The following OSTN variants were observed in gnomAD, a reference collection of about 807,000 sequenced individuals.
OSTN encodes the protein osteocrin.
OSTN carries 9 observed loss-of-function variants against 12.0 expected under a neutral mutation model. That is an observed-to-expected ratio of 0.75 (90% CI 0.45 to 1.30). OSTN has a LOEUF of 1.30. Ranked by LOEUF, OSTN falls within the 50% of genes most tolerant of loss-of-function variation. The pLI, the probability that OSTN is intolerant of heterozygous loss-of-function variation, is 0.00. For missense variants in OSTN, 148 were observed against 152.3 expected, an observed-to-expected ratio of 0.97 and a Z score of 0.15; for synonymous variants, 59 against 56.9, an observed-to-expected ratio of 1.04 and a Z score of -0.16.
At chr3:191,260,624 C>A (rs895226579) in intron 4 of OSTN, among the ~76,000 whole-genome samples, 6 of 152,082 alleles carry the variant, frequency 3.9e-5, no homozygotes, top group Non-Finnish European at 7.4e-5. Flanking sequence ...CCCCCGCCCC[C>A]GAGCTTGGGA....
intron 4 of OSTN, among the ~76,000 whole-genome samples, chr3:191,255,067 G>T (rs1033264602): frequency 6.6e-6 from 1 of 152,180 alleles, no homozygotes; most frequent in African/African-American, 2.4e-5. Context: ...CAAGGACCAG[G>T]GGGCAGGGGA....
intron 3 of OSTN, among the ~76,000 whole-genome samples, chr3:191,221,944 C>T (rs1197554290): frequency 6.6e-6 from 1 of 152,184 alleles, no homozygotes; most frequent in Non-Finnish European, 1.5e-5. Context: ...CCCAGCCACT[C>T]CAGCCTTGGC....
At chr3:191,218,095 A>G (rs1241513922) in intron 2 of OSTN, among the ~76,000 whole-genome samples, 1 of 152,220 alleles carries the variant, frequency 6.6e-6, no homozygotes, top group African/African-American at 2.4e-5. Flanking sequence ...GCAAAAAATA[A>G]TAAGTGCAGT....
chr3:191,216,619 T>A (rs1714619355), intron 2 of OSTN, among the ~76,000 whole-genome samples: 1 of 152,208 alleles, frequency 6.6e-6, no homozygotes, highest in Non-Finnish European at 1.5e-5. Flanking sequence ...CTTAGAAATT[T>A]CTTCTGCCAG....
chr3:191,244,721 T>A (rs1156300838), intron 3 of OSTN, among the ~76,000 whole-genome samples: 1 of 150,068 alleles, frequency 6.7e-6, no homozygotes. Flanking sequence ...AACCAGGCTA[T>A]TATGGTTTCT....
At chr3:191,218,682 T>A in intron 2 of OSTN, 65 bp from the exon 3 acceptor site, 1 of 1,316,694 alleles carries the variant, frequency 7.6e-7, no homozygotes. Context: ...AAAAGCCAGA[T>A]GCATATGTAC....
intron 1 of OSTN, among the ~76,000 whole-genome samples, chr3:191,209,444 A>C (rs943014549): frequency 6.6e-6 from 1 of 152,224 alleles, no homozygotes; most frequent in Non-Finnish European, 1.5e-5. Flanking sequence ...TCTCAGTTCA[A>C]ATATCAAGTT....
At chr3:191,226,149 G>A (rs1178724213) in intron 3 of OSTN, among the ~76,000 whole-genome samples, 1 of 152,046 alleles carries the variant, frequency 6.6e-6, no homozygotes, top group Non-Finnish European at 1.5e-5. Context: ...TAAAATGTTA[G>A]CAAATAGAAT....
chr3:191,251,915 T>C (rs1361967555), intron 4 of OSTN, among the ~76,000 whole-genome samples: 1 of 152,240 alleles, frequency 6.6e-6, no homozygotes, highest in African/African-American at 2.4e-5. Flanking sequence ...CTGAGAACAT[T>C]ATGACAGTGA....
chr3:191,203,212 G>A (rs946772750), intron 1 of OSTN, among the ~76,000 whole-genome samples: 2 of 152,140 alleles, frequency 1.3e-5, no homozygotes, highest in African/African-American at 4.8e-5. Context: ...TTCCACATAA[G>A]GCTGCTCCAT....
chr3:191,237,069 G>A (rs1342854214), intron 3 of OSTN, among the ~76,000 whole-genome samples: 6 of 152,278 alleles, frequency 3.9e-5, no homozygotes, highest in Admixed American at 3.9e-4. Context: ...AGCAGGAGGG[G>A]AAAAATGGCA....
At chr3:191,250,851 C>A (rs911753694) in intron 4 of OSTN, among the ~76,000 whole-genome samples, 11 of 152,234 alleles carry the variant, frequency 7.2e-5, no homozygotes, top group African/African-American at 2.6e-4. Flanking sequence ...ATGTGCATTG[C>A]TTCACTTAAT....
chr3:191,212,690 G>C, intron 2 of OSTN, 56 bp downstream of exon 2: 1 of 737,562 alleles, frequency 1.4e-6, no homozygotes, highest in Admixed American at 3.2e-5. Context: ...CTTTATAAAT[G>C]ACATGTTTGT....
intron 3 of OSTN, among the ~76,000 whole-genome samples, chr3:191,241,076 C>T (rs1217582598): frequency 6.6e-6 from 1 of 150,598 alleles, no homozygotes; most frequent in Non-Finnish European, 1.5e-5. Context: ...ATCTAAATTA[C>T]TGAACTATTT....
chr3:191,264,334 A>G lies in OSTN; in HGVS notation c.*1481A>G, dbSNP rs533280463. The G allele has an allele frequency of 4.9e-4, 74 of 152,282 alleles. No homozygotes were observed. Among genetic ancestry groups the G allele is most frequent in the Non-Finnish European group, 9.7e-4 (66 of 67,968 alleles). The allele number at this position is 152,282 out of a possible 1,614,324, so 9.4% of individuals were successfully genotyped here. On this transcript the variant is annotated 3_prime_UTR_variant, in exon 5 of 5. Transcript: ENST00000682035. ...TTATCCAATGTGCTTTTTAAAGATA[A>G]AGTTTAAAAGAGGCAAAAAGAGGTG...
chr3:191,199,314 T>A lies in OSTN; in HGVS notation c.-1+7T>A, dbSNP rs1386762797. The A allele has an allele frequency of 6.6e-6, 1 of 152,104 alleles. No homozygotes were observed. Among genetic ancestry groups the A allele is most frequent in the Non-Finnish European group, 1.5e-5 (1 of 67,980 alleles). 9.4% of individuals were successfully genotyped at this position (152,104 alleles called of 1,614,324 possible). A position where few individuals can be genotyped will look rare whatever the true frequency, so the allele number is the denominator to read the frequency against. On this transcript the variant is annotated splice_region_variant and intron_variant, in intron 1 of 4. Transcript: ENST00000682035. Reference sequence around the variant, plus strand: ...TCTCCTGATCTTTCACGAGGTAAGTTATATGTAAAAATTGATAAAGATTTA... The same window carrying A: ...TCTCCTGATCTTTCACGAGGTAAGTAATATGTAAAAATTGATAAAGATTTA...
chr3:191,220,638 T>C (rs970492918), intron 3 of OSTN, among the ~76,000 whole-genome samples: 3 of 152,128 alleles, frequency 2.0e-5, no homozygotes, highest in Admixed American at 1.3e-4. Flanking sequence ...GCTGGGTAAG[T>C]ATATCAAAAA....
intron 4 of OSTN, among the ~76,000 whole-genome samples, chr3:191,253,369 G>A (rs1715604899): frequency 6.6e-6 from 1 of 152,156 alleles, no homozygotes; most frequent in African/African-American, 2.4e-5. Flanking sequence ...TACTATAGGG[G>A]CCAAATGCCC....
intron 3 of OSTN, among the ~76,000 whole-genome samples, chr3:191,224,828 A>G (rs71312404): frequency 1.3e-5 from 2 of 152,120 alleles, no homozygotes; most frequent in East Asian, 1.9e-4. Context: ...TAATAAAAAT[A>G]CAATATGATG....
Sources: allele counts gnomAD v4.1 joint callset (sites outside exome capture counted in the v4.1 genomes callset), GRCh38; gene constraint gnomAD v4.1.1; transcripts MANE v1.5; gene names NCBI Gene and HGNC (gene_info 2026-07-23, HGNC 2026-07-21).